Variants in GRM1 observed in about 807,000 individuals in gnomAD.
The protein encoded by GRM1 is glutamate metabotropic receptor 1.
In GRM1, 33 loss-of-function variants were observed where a neutral mutation model predicts 90.9. The ratio of observed to expected loss-of-function variants is 0.36; its 90% CI spans 0.28 to 0.49. The LOEUF is 0.49. GRM1 is among the 20% of genes least tolerant of loss of function. The probability of loss-of-function intolerance (pLI) is 0.99; values close to 1 mark genes in which losing one functional copy is unlikely to be tolerated. For missense variants in GRM1, 1,190 were observed against 1,534.3 expected, an observed-to-expected ratio of 0.78 and a Z score of 3.75; for synonymous variants, 700 against 613.2, an observed-to-expected ratio of 1.14 and a Z score of -2.09.
At chr6:146,335,822 CTCCCATAA>C (rs1784754252) in intron 3 of GRM1, among the ~76,000 whole-genome samples, 1 of 152,162 alleles carries the variant, frequency 6.6e-6, no homozygotes. Flanking sequence ...TGAATTGTAG[CTCCCATAA>C]TCCCCACGTG....
At chr6:146,302,745 G>A (rs559504505) in intron 2 of GRM1, among the ~76,000 whole-genome samples, 34 of 152,064 alleles carry the variant, frequency 2.2e-4, no homozygotes, top group Middle Eastern at 3.4e-3. Context: ...CTGTAGCACC[G>A]TGGGGGCAGA....
chr6:146,147,477 C>G (rs142886188), intron 1 of GRM1, among the ~76,000 whole-genome samples: 1 of 152,096 alleles, frequency 6.6e-6, no homozygotes, highest in African/African-American at 2.4e-5. Flanking sequence ...ATTATACCAC[C>G]GTTTTAGGAT....
In GRM1 at chr6:146,436,584, T is replaced by A. The variant is rs1778600047; in HGVS notation, c.*1788T>A. ...TTTTATGTTCATGGACTTTTATTCC[T>A]GTGTCTTGGCTGTCATAACTTTTTA... On this transcript the variant is annotated 3_prime_UTR_variant, in exon 8 of 8. Coordinates refer to ENST00000282753, the MANE Select transcript of GRM1 (RefSeq NM_001278064.2). The A allele has an allele frequency of 6.6e-6, 1 of 152,324 alleles. No individual in the cohort carries two copies. The highest frequency in any genetic ancestry group is 6.5e-5 in the Admixed American group (1 of 15,288). 9.4% of individuals were successfully genotyped at this position (152,324 alleles called of 1,614,324 possible).
chr6:146,411,166 G>T (rs530031608), intron 7 of GRM1, among the ~76,000 whole-genome samples: 40 of 152,162 alleles, frequency 2.6e-4, no homozygotes, highest in Non-Finnish European at 5.0e-4. Context: ...AGAAGTACGG[G>T]TGTTATGGGA....
intron 1 of GRM1, among the ~76,000 whole-genome samples, chr6:146,088,648 A>C (rs1214332213): frequency 6.6e-6 from 1 of 152,104 alleles, no homozygotes; most frequent in Non-Finnish European, 1.5e-5. Context: ...ATTGGTCCAA[A>C]CACCATGATC....
At chr6:146,136,530 G>A (rs1776627589) in intron 1 of GRM1, among the ~76,000 whole-genome samples, 1 of 152,174 alleles carries the variant, frequency 6.6e-6, no homozygotes, top group Admixed American at 6.5e-5. Context: ...AACCAGTGAT[G>A]TTGAACACCT....
chr6:146,315,755 G>A (rs1178912333), intron 3 of GRM1, among the ~76,000 whole-genome samples: 3 of 152,136 alleles, frequency 2.0e-5, no homozygotes, highest in African/African-American at 7.2e-5. Context: ...ATCTGTCACT[G>A]TCCAAGTTGA....
At chr6:146,223,742 A>G (rs1169145268) in intron 2 of GRM1, among the ~76,000 whole-genome samples, 1 of 152,120 alleles carries the variant, frequency 6.6e-6, no homozygotes, top group Non-Finnish European at 1.5e-5. Context: ...TTCATGTGCT[A>G]TAGTAAAAGA....
chr6:146,410,776 T>G (rs1445950869), intron 7 of GRM1, among the ~76,000 whole-genome samples: 5 of 152,154 alleles, frequency 3.3e-5, no homozygotes, highest in Non-Finnish European at 7.3e-5. Flanking sequence ...AAACAAGACC[T>G]CAGCTTATTA....
intron 3 of GRM1, among the ~76,000 whole-genome samples, chr6:146,316,493 A>G (rs1783973230): frequency 6.6e-6 from 1 of 152,254 alleles, no homozygotes; most frequent in South Asian, 2.1e-4. Flanking sequence ...GTGTCAAGAC[A>G]GCACGGCATC....
At chr6:146,056,965 G>T (rs1431690723) in intron 1 of GRM1, among the ~76,000 whole-genome samples, 1 of 152,102 alleles carries the variant, frequency 6.6e-6, no homozygotes, top group African/African-American at 2.4e-5. Flanking sequence ...TGCAGTTCTT[G>T]AAAACACAGT....
intron 1 of GRM1, among the ~76,000 whole-genome samples, chr6:146,031,527 A>G (rs886366919): frequency 6.6e-5 from 10 of 152,198 alleles, no homozygotes; most frequent in African/African-American, 2.2e-4. Context: ...CAGAACAAAC[A>G]TAAATGATAT....
At chr6:146,085,581 T>C (rs1273520959) in intron 1 of GRM1, among the ~76,000 whole-genome samples, 1 of 152,162 alleles carries the variant, frequency 6.6e-6, no homozygotes, top group Non-Finnish European at 1.5e-5. Context: ...TTAGAAGTTT[T>C]ATTTCAGTAT....
chr6:146,399,676 G>T lies in GRM1; in HGVS notation c.2637G>T (p.Lys879Asn), dbSNP rs1777082839. The T allele has an allele frequency of 1.2e-6, 2 of 1,612,550 alleles. No individual in the cohort carries two copies. The highest frequency in any genetic ancestry group is 1.7e-6 in the Non-Finnish European group (2 of 1,179,734). Residue 879 changes from lysine (K) to asparagine (N), a missense_variant, in exon 7 of 8, where the codon AAG becomes AAT. By Grantham distance (94) the Lys-to-Asn change is moderately conservative. Around this residue, in one of 10 missense-constraint regions of GRM1, gnomAD observed 400 missense variants for 360.8 expected, o/e 1.11. Transcript: ENST00000282753. This position sits in a 1 kb window ranked among gnomAD's most constrained non-coding sequence, Gnocchi z 5.4. ...SNTFLNIFRR[K>N]KAGAGNANSN... is the part of the protein sequence containing the mutation. ...CTTTCCTCAACATCTTCCGAAGAAA[G>T]AAGGCAGGGGCAGGGAATGCCAAGT...
intron 3 of GRM1, among the ~76,000 whole-genome samples, chr6:146,312,339 A>G (rs1783802346): frequency 7.6e-6 from 1 of 132,052 alleles, no homozygotes; most frequent in Non-Finnish European, 1.6e-5. Context: ...TGGGTGAAAG[A>G]ACTCCGTCTC....
chr6:146,269,672 G>T (rs145278036), intron 2 of GRM1, among the ~76,000 whole-genome samples: 1 of 152,238 alleles, frequency 6.6e-6, no homozygotes, highest in East Asian at 1.9e-4. Context: ...ATTATCATAG[G>T]AATGCAAACC....
Position 146,357,632 on chromosome 6 carries a change from A to T in GRM1, c.1540A>T (p.Met514Leu), listed in dbSNP as rs1422657564. 5.6e-6 allele frequency: 9 copies of T among 1,614,138 alleles called. No individual in the cohort carries two copies. The highest frequency in any genetic ancestry group is 7.6e-6 in the Non-Finnish European group (9 of 1,179,966). Residue 514 changes from methionine to leucine, a missense_variant, in exon 5 of 8, where the codon ATG (methionine) becomes TTG (leucine). This residue lies in a region of GRM1 where 414 missense variants were observed against 598.4 expected (regional missense o/e 0.69). Transcript: ENST00000282753. ...GAACATTGATGATTACAAAATCCAG[A>T]TGAACAAGAGTGGAGTGGTGCGGTC... ...VLNIDDYKIQ[M>L]NKSGVVRSVC...
chr6:146,029,357 G>A lies in GRM1; in HGVS notation c.-161G>A. On this transcript the variant is annotated 5_prime_UTR_variant, in exon 1 of 8. Coordinates refer to ENST00000282753, the MANE Select transcript of GRM1 (RefSeq NM_001278064.2). ...CAGAGGAGGAGACGAAGGGGAAGGA[G>A]GCGGTGGTGGAGGAGGCAAAGGCCT... The A allele has an allele frequency of 2.9e-6, 2 of 693,416 alleles. No homozygotes were observed. The highest frequency in any genetic ancestry group is 2.2e-5 in the Admixed American group (1 of 46,140). 43.0% of individuals were successfully genotyped at this position (693,416 alleles called of 1,614,324 possible). A position where few individuals can be genotyped will look rare whatever the true frequency, so the allele number is the denominator to read the frequency against.
intron 1 of GRM1, among the ~76,000 whole-genome samples, chr6:146,108,410 C>T (rs1021186724): frequency 2.6e-5 from 4 of 152,110 alleles, no homozygotes; most frequent in Admixed American, 6.5e-5. Flanking sequence ...CTTACAAGTT[C>T]TAATGGTTTT....
Sources: gnomAD v4.1 joint callset for allele counts (sites outside exome capture counted in the v4.1 genomes callset) on GRCh38, gnomAD v4.1.1 for gene constraint, gnomAD v4.1.1 regional missense constraint, Gnocchi (gnomAD v3.1) non-coding constraint, MANE v1.5 for transcripts, NCBI Gene and HGNC (gene_info 2026-07-23, HGNC 2026-07-21) for gene names.